The following STXBP3 variants were observed in gnomAD, a reference collection of about 807,000 sequenced individuals.
STXBP3 encodes syntaxin binding protein 3.
In STXBP3, 41 loss-of-function variants were observed where a neutral mutation model predicts 85.7. The observed-to-expected ratio is 0.48, with a 90% confidence interval of 0.37 to 0.62. STXBP3 has a LOEUF of 0.62. Among genes scored for constraint, STXBP3 ranks in the 20% least tolerant of loss-of-function variants. STXBP3 has a pLI of 0.00. For missense variants in STXBP3, 563 were observed against 703.1 expected (o/e 0.80, Z 2.25); for synonymous variants, 229 against 231.7 (o/e 0.99, Z 0.10).
intron 4 of STXBP3, 117 bp from the exon 5 acceptor site, chr1:108,758,393 T>A: frequency 2.1e-6 from 1 of 475,468 alleles, no homozygotes; most frequent in South Asian, 4.6e-5. Context: ...AAATTAAACT[T>A]TTAGCCAGTA....
chr1:108,749,343 G>A (rs1461500596), intron 1 of STXBP3, among the ~76,000 whole-genome samples: 3 of 152,138 alleles, frequency 2.0e-5, no homozygotes, highest in Admixed American at 6.5e-5. Flanking sequence ...TCTGTATTGC[G>A]TAGTTGAATG....
At chr1:108,797,607 T>C (rs1433559500) in intron 15 of STXBP3, among the ~76,000 whole-genome samples, 1 of 151,946 alleles carries the variant, frequency 6.6e-6, no homozygotes, top group Non-Finnish European at 1.5e-5. Context: ...AGGGTTTCAC[T>C]CTGTCGGCCA....
In STXBP3 at chr1:108,793,565, TG is replaced by T. The variant is rs750130628; in HGVS notation, c.964-16del. On this transcript the variant is annotated splice_polypyrimidine_tract_variant and intron_variant, in intron 11 of 18. Transcript: ENST00000370008. ...TGAATCATAGGCTTGCCTAAAAAAA[TG>T]TTTGATTTTTCCTAGACATCACTTA... 63 of 1,605,682 alleles carry T rather than the reference TG, an allele frequency of 3.9e-5. 1 individual carries two copies. The highest frequency in any genetic ancestry group is 6.8e-6 in the Non-Finnish European group (8 of 1,175,270).
intron 1 of STXBP3, among the ~76,000 whole-genome samples, chr1:108,750,678 A>G (rs1570744660): frequency 6.6e-6 from 1 of 152,294 alleles, no homozygotes; most frequent in Middle Eastern, 3.4e-3. Context: ...TAGGAACACT[A>G]GTTAGTGTCA....
rs1267936923 is a variant in STXBP3, at chr1:108,756,721, T to C, written c.213T>C (p.Pro71=). 1.9e-6 allele frequency: 3 copies of C among 1,595,804 alleles called. No individual in the cohort carries two copies. Among genetic ancestry groups the C allele is most frequent in the Non-Finnish European group, 2.6e-6 (3 of 1,170,210 alleles). Residue 71 remains proline (P), a synonymous_variant, in exon 4 of 19, where the codon CCT becomes CCC. Transcript: ENST00000370008. ...AGAATATTTATAAGAACCGTGAACC[T>C]GTCAGACAAATGAAAGCTCTTTATT... ...VVENIYKNRE[P]VRQMKALYFI...
At chr1:108,792,437 A>T (rs1662996269) in intron 11 of STXBP3, among the ~76,000 whole-genome samples, 1 of 152,230 alleles carries the variant, frequency 6.6e-6, no homozygotes, top group African/African-American at 2.4e-5. Flanking sequence ...TTATACGTGC[A>T]TACAGTGTGT....
chr1:108,748,008 C>T (rs933062918), intron 1 of STXBP3, among the ~76,000 whole-genome samples: 1 of 152,104 alleles, frequency 6.6e-6, no homozygotes, highest in Non-Finnish European at 1.5e-5. Flanking sequence ...TGTATTTAAG[C>T]CAGTTCTTTA....
In STXBP3 at chr1:108,808,940, G is replaced by C. The variant is rs943488727; in HGVS notation, c.*63G>C. On this transcript the variant is annotated 3_prime_UTR_variant, in exon 19 of 19. Transcript: ENST00000370008. ...TGTTGAACTAAAATAGAAAGAAAAT[G>C]TTGCTGTCATGTAATTTAAACAATG... 4.6e-5 allele frequency: 51 copies of C among 1,117,766 alleles called. No homozygotes were observed. Among genetic ancestry groups the C allele is most frequent in the Non-Finnish European group, 6.1e-5 (47 of 765,670 alleles). The allele number at this position is 1,117,766 out of a possible 1,614,324, so 69.2% of individuals were successfully genotyped here. A position where few individuals can be genotyped will look rare whatever the true frequency, so the allele number is the denominator to read the frequency against.
intron 4 of STXBP3, 84 bp from the exon 5 acceptor site, chr1:108,758,426 T>C: frequency 1.5e-6 from 1 of 688,860 alleles, no homozygotes; most frequent in South Asian, 3.0e-5. Flanking sequence ...GTCACTGAAA[T>C]AAAATAATCT....
At chr1:108,793,162 T>TTTTTCTTTTTTC (rs1404529063) in intron 11 of STXBP3, among the ~76,000 whole-genome samples, 1 of 142,110 alleles carries the variant, frequency 7.0e-6, no homozygotes, top group African/African-American at 2.6e-5. Flanking sequence ...TCTCCATTTT[T>TTTTTCTTTTTTC]TTTTTTTTTT....
chr1:108,764,813 T>C (rs1662223852), intron 6 of STXBP3, among the ~76,000 whole-genome samples: 1 of 152,254 alleles, frequency 6.6e-6, no homozygotes, highest in Admixed American at 6.5e-5. Context: ...AAATACTTTC[T>C]CCCATTGTAT....
intron 7 of STXBP3, among the ~76,000 whole-genome samples, chr1:108,773,820 G>A (rs1399587240): frequency 6.6e-6 from 1 of 152,090 alleles, no homozygotes; most frequent in Non-Finnish European, 1.5e-5. Context: ...ACAGACAGTG[G>A]CCTCAGCCAG....
chr1:108,754,830 A>G (rs1253353962), intron 3 of STXBP3, among the ~76,000 whole-genome samples: 1 of 152,192 alleles, frequency 6.6e-6, no homozygotes, highest in Admixed American at 6.5e-5. Context: ...AGCATTTCAT[A>G]GGACTGTATA....
Position 108,807,540 on chromosome 1 carries a change from G to A in STXBP3, c.1675G>A (p.Val559Ile), listed in dbSNP as rs760065978. 17 of 1,520,322 alleles carry A rather than the reference G, an allele frequency of 1.1e-5. No homozygotes were observed. The South Asian group carries it at 1.7e-4, about 15-fold the overall frequency. The allele number at this position is 1,520,322 out of a possible 1,614,324, so 94.2% of individuals were successfully genotyped here. A position where few individuals can be genotyped will look rare whatever the true frequency, so the allele number is the denominator to read the frequency against. Residue 559 changes from valine to isoleucine, a missense_variant, in exon 18 of 19, where the codon GTT (valine) becomes ATT (isoleucine). Coordinates refer to ENST00000370008, the MANE Select transcript of STXBP3 (RefSeq NM_007269.4). ...EVSQAHKSCE[V>I]IIGSTHVLTP... ...TTCTCAGGCACATAAATCCTGTGAAGTTATTATTGGTAAGACTTTCATTTT... is the reference window on the plus strand; with the variant it reads ...TTCTCAGGCACATAAATCCTGTGAAATTATTATTGGTAAGACTTTCATTTT...
Position 108,782,465 on chromosome 1 carries a change from G to C in STXBP3, c.853G>C (p.Glu285Gln), listed in dbSNP as rs755335661. ...AGAAAAGGAGGCCATCCTTGAAGAAGAAGATGACCTCTGGGTTAGAATTCG... is the reference window on the plus strand; with the variant it reads ...AGAAAAGGAGGCCATCCTTGAAGAACAAGATGACCTCTGGGTTAGAATTCG... ...GKEKEAILEE[E>Q]DDLWVRIRHR... Residue 285 changes from glutamate (E) to glutamine (Q), a missense_variant, in exon 10 of 19, where the codon GAA (glutamate) becomes CAA (glutamine). Physicochemically the swap from Glu to Gln is conservative, Grantham distance 29. Transcript: ENST00000370008. 1 of 1,613,836 alleles carries C rather than the reference G, an allele frequency of 6.2e-7. No individual in the cohort carries two copies. The highest frequency in any genetic ancestry group is 1.7e-5 in the Admixed American group (1 of 59,996).
intron 14 of STXBP3, 118 bp downstream of exon 14, chr1:108,796,490 A>G: frequency 8.7e-7 from 1 of 1,155,536 alleles, no homozygotes; most frequent in East Asian, 2.6e-5. Flanking sequence ...TGAAATCGAG[A>G]GAAGACTGAA....
At chr1:108,759,455 G>A (rs1662088596) in intron 5 of STXBP3, among the ~76,000 whole-genome samples, 1 of 152,098 alleles carries the variant, frequency 6.6e-6, no homozygotes, top group Non-Finnish European at 1.5e-5. Context: ...TTCCAACCTA[G>A]ATCTAGTGGA....
intron 9 of STXBP3, 187 bp downstream of exon 9, chr1:108,779,597 G>T: frequency 1.8e-6 from 1 of 566,416 alleles, no homozygotes; most frequent in Non-Finnish European, 2.6e-6. Context: ...AAATTAAAGT[G>T]TAATTTGATT....
chr1:108,796,702 C>G lies in STXBP3; in HGVS notation c.1332C>G (p.Tyr444Ter), dbSNP rs751661218. 1 of 1,613,286 alleles carries G rather than the reference C, an allele frequency of 6.2e-7. No homozygotes were observed. Among genetic ancestry groups the G allele is most frequent in the African/African-American group, 1.3e-5 (1 of 74,860 alleles). Residue 444 changes from tyrosine (Y) to a stop codon, truncating the protein, a stop_gained, in exon 15 of 19, where the codon TAC (tyrosine) becomes TAG (stop). Coordinates refer to ENST00000370008, the MANE Select transcript of STXBP3 (RefSeq NM_007269.4). LOFTEE classifies it high-confidence loss of function. Reference protein sequence around the residue: ...NESDMIRNWSYLGVPIVPQSQ... With the variant: ...NESDMIRNWS ...GTGACATGATTCGTAACTGGAGTTA[C>G]CTTGGTGTTCCCATTGTTCCCCAAG...
Sources: gnomAD v4.1 joint callset for allele counts (sites outside exome capture counted in the v4.1 genomes callset) on GRCh38, gnomAD v4.1.1 for gene constraint, MANE v1.5 for transcripts, NCBI Gene and HGNC (gene_info 2026-07-23, HGNC 2026-07-21) for gene names.